The following PCDH11X variants were observed in gnomAD, a reference collection of about 807,000 sequenced individuals.
The protein encoded by PCDH11X is protocadherin-11 X-linked.
PCDH11X carries 18 observed loss-of-function variants against 53.3 expected under a neutral mutation model. The observed-to-expected ratio is 0.34, with a 90% CI of 0.23 to 0.50. PCDH11X has a LOEUF of 0.50. Among genes scored for constraint, PCDH11X ranks in the 20% least tolerant of loss-of-function variants. The pLI, the probability that PCDH11X is intolerant of heterozygous loss-of-function variation, is 0.98. For synonymous variants in PCDH11X, 279 were observed against 393.3 expected, an observed-to-expected ratio of 0.71 and a Z score of 3.44; for missense variants, 570 against 1,032.4, an observed-to-expected ratio of 0.55 and a Z score of 6.14.
chrX:92,565,225 TAA>T (rs756507078), intron 10 of PCDH11X, among the ~76,000 whole-genome samples: 30 of 76,993 alleles, frequency 3.9e-4, no homozygotes, highest in South Asian at 6.1e-4. Flanking sequence ...TCCTCAAAAA[TAA>T]AAAAAAAAAA....
chrX:92,101,236 A>T (rs149975723), intron 6 of PCDH11X, among the ~76,000 whole-genome samples: 5,756 of 111,056 alleles, frequency 0.052, 320 homozygotes, highest in African/African-American at 0.16. Flanking sequence ...GACTAGACAG[A>T]AAATAGTAGG....
intron 8 of PCDH11X, among the ~76,000 whole-genome samples, chrX:92,292,005 G>A (rs1290289003): frequency 8.9e-6 from 1 of 111,918 alleles, no homozygotes; most frequent in Non-Finnish European, 1.9e-5. Flanking sequence ...AATGCAAAAT[G>A]TGAAATGCAT....
At chrX:92,169,771 G>T (rs1175698740) in intron 6 of PCDH11X, among the ~76,000 whole-genome samples, 2 of 110,295 alleles carry the variant, frequency 1.8e-5, no homozygotes, top group Non-Finnish European at 3.8e-5. Flanking sequence ...CTACCACTTA[G>T]GACTATATTT....
intron 9 of PCDH11X, among the ~76,000 whole-genome samples, chrX:92,416,926 A>AT (rs1220444588): frequency 2.7e-5 from 3 of 110,487 alleles, no homozygotes; most frequent in Admixed American, 9.6e-5. Flanking sequence ...CTTTGGTGGC[A>AT]TTTTTTTTTA....
intron 8 of PCDH11X, among the ~76,000 whole-genome samples, chrX:92,276,986 G>T (rs781549024): frequency 8.1e-5 from 9 of 111,544 alleles, no homozygotes; most frequent in African/African-American, 2.6e-4. Context: ...CTGGGCAGGT[G>T]GGGGAGGGCT....
At position 92,263,025 on chromosome X, in the gene PCDH11X, AAT is replaced by A; in HGVS notation, c.3115-88_3115-87del. The A allele has an allele frequency of 5.6e-6, 6 of 1,078,972 alleles. No individual in the cohort carries two copies. The East Asian group carries it at 1.0e-4, about 18-fold the overall frequency. The allele number at this position is 1,078,972 out of a possible 1,213,427, so 88.9% of individuals were successfully genotyped here. A position where few individuals can be genotyped will look rare whatever the true frequency, so the allele number is the denominator to read the frequency against. On this transcript the variant is annotated intron_variant, in intron 7 of 10. Coordinates refer to ENST00000682573, the MANE Select transcript of PCDH11X (RefSeq NM_032968.5). ...ATGCTTTTTTTTCAAAAAAAAAAAA[AAT>A]GTATTTGCAGTAACCAAATTTGAGC...
intron 10 of PCDH11X, among the ~76,000 whole-genome samples, chrX:92,502,543 A>T (rs1323557525): frequency 9.1e-6 from 1 of 110,267 alleles, no homozygotes; most frequent in East Asian, 2.9e-4. Flanking sequence ...AACAGAATAG[A>T]GAACTCAGAA....
intron 9 of PCDH11X, among the ~76,000 whole-genome samples, chrX:92,398,828 G>T (rs1490691860): frequency 9.1e-6 from 1 of 110,343 alleles, no homozygotes; most frequent in African/African-American, 3.3e-5. Flanking sequence ...AAAAGCAGTT[G>T]CTTTGTAGCA....
At chrX:92,390,576 G>A (rs962613014) in intron 9 of PCDH11X, among the ~76,000 whole-genome samples, 2 of 107,615 alleles carry the variant, frequency 1.9e-5, no homozygotes, top group African/African-American at 6.8e-5. Context: ...AATAAACTGT[G>A]CAGTGTTTGT....
At chrX:91,908,688 C>T (rs973428727) in intron 6 of PCDH11X, among the ~76,000 whole-genome samples, 2 of 108,000 alleles carry the variant, frequency 1.9e-5, no homozygotes, top group Non-Finnish European at 3.8e-5. Context: ...GCCAGTAATC[C>T]CAGGTACTTG....
chrX:91,950,691 G>A (rs949357502), intron 6 of PCDH11X, among the ~76,000 whole-genome samples: 19 of 108,610 alleles, frequency 1.7e-4, no homozygotes, highest in Non-Finnish European at 2.9e-4. Flanking sequence ...TTGCAACTGT[G>A]AATTGCAAAA....
intron 6 of PCDH11X, among the ~76,000 whole-genome samples, chrX:91,934,708 C>A (rs1328569209): frequency 9.6e-6 from 1 of 104,468 alleles, no homozygotes; most frequent in Non-Finnish European, 2.0e-5. Flanking sequence ...ATTATTTACC[C>A]AAAATGCTAC....
chrX:91,936,592 T>C (rs1222612822), intron 6 of PCDH11X, among the ~76,000 whole-genome samples: 1 of 106,563 alleles, frequency 9.4e-6, no homozygotes, highest in Non-Finnish European at 1.9e-5. Flanking sequence ...TAGTTGAGAA[T>C]GGTTCCTTGC....
intron 7 of PCDH11X, among the ~76,000 whole-genome samples, chrX:92,243,828 A>C (rs2067303547): frequency 9.0e-6 from 1 of 111,704 alleles, no homozygotes; most frequent in Admixed American, 9.6e-5. Context: ...CTAGTTATAA[A>C]ATATTTTGAT....
intron 6 of PCDH11X, among the ~76,000 whole-genome samples, chrX:92,198,245 G>GA (rs2066325802): frequency 1.2e-5 from 1 of 83,889 alleles, no homozygotes; most frequent in Non-Finnish European, 2.4e-5. Flanking sequence ...AAAAAAAAAA[G>GA]AAAAAAAATA....
At chrX:92,471,717 C>T (rs755632458) in intron 10 of PCDH11X, among the ~76,000 whole-genome samples, 26 of 104,148 alleles carry the variant, frequency 2.5e-4, no homozygotes, top group Non-Finnish European at 3.5e-4. Flanking sequence ...AAATAATTTA[C>T]GCTCTCACCA....
At chrX:92,051,423 T>C (rs1357368915) in intron 6 of PCDH11X, among the ~76,000 whole-genome samples, 2 of 111,818 alleles carry the variant, frequency 1.8e-5, no homozygotes, top group Non-Finnish European at 3.8e-5. Context: ...TGATTTCAAA[T>C]ACAGCATGCT....
chrX:91,898,993 G>T (rs1207003099), intron 6 of PCDH11X, among the ~76,000 whole-genome samples: 5 of 110,162 alleles, frequency 4.5e-5, no homozygotes, highest in African/African-American at 1.3e-4. Context: ...TGTAAAATGA[G>T]AACTTTTCAT....
At chrX:92,332,459 G>A (rs1486115721) in intron 8 of PCDH11X, among the ~76,000 whole-genome samples, 1 of 111,400 alleles carries the variant, frequency 9.0e-6, no homozygotes, top group African/African-American at 3.3e-5. Context: ...ACCATAAGAT[G>A]TGAGTTCTCA....
Sources: gnomAD v4.1 joint callset for allele counts (sites outside exome capture counted in the v4.1 genomes callset) on GRCh38, gnomAD v4.1.1 for gene constraint, MANE v1.5 for transcripts, NCBI Gene and HGNC (gene_info 2026-07-23, HGNC 2026-07-21) for gene names.